CDC5L: variants seen among roughly 807,000 people sequenced by gnomAD.
CDC5L encodes the protein cell division cycle 5 like, also known as cell division cycle 5-like protein.
In CDC5L, 18 loss-of-function variants were observed where a neutral mutation model predicts 104.1. The ratio of observed to expected loss-of-function variants is 0.17; its 90% CI spans 0.12 to 0.26. The LOEUF (loss-of-function observed/expected upper bound fraction) is 0.26, where lower values mean the gene tolerates loss of function less well. Among genes scored for constraint, CDC5L ranks in the 10% least tolerant of loss-of-function variants. The pLI is 1.00. For missense variants in CDC5L, 673 were observed against 956.9 expected (o/e 0.70, Z 3.91); for synonymous variants, 331 against 322.7 (o/e 1.03, Z -0.28).
intron 14 of CDC5L, among the ~76,000 whole-genome samples, chr6:44,440,305 G>A (rs1793123508): frequency 6.7e-6 from 1 of 148,714 alleles, no homozygotes; most frequent in Admixed American, 6.8e-5. Context: ...GCAGTCGCCT[G>A]ATCTTGGCTC....
intron 8 of CDC5L, among the ~76,000 whole-genome samples, chr6:44,411,784 C>T (rs1791655051): frequency 6.6e-6 from 1 of 152,096 alleles, no homozygotes; most frequent in Admixed American, 6.5e-5. Flanking sequence ...GAGGTCTGAA[C>T]ATAGGGTTTC....
At chr6:44,396,495 C>T in intron 5 of CDC5L, 55 bp downstream of exon 5, 1 of 1,086,256 alleles carries the variant, frequency 9.2e-7, no homozygotes, top group Non-Finnish European at 1.4e-6. Context: ...TAACAATCAA[C>T]ACAGAATACT....
intron 4 of CDC5L, among the ~76,000 whole-genome samples, chr6:44,394,622 G>A (rs1435388235): frequency 6.6e-6 from 1 of 151,938 alleles, no homozygotes; most frequent in Non-Finnish European, 1.5e-5. Flanking sequence ...TTGGGAGGCT[G>A]AGGTGGGCAG....
intron 14 of CDC5L, among the ~76,000 whole-genome samples, chr6:44,442,932 C>G (rs908207456): frequency 6.6e-6 from 1 of 152,072 alleles, no homozygotes; most frequent in African/African-American, 2.4e-5. Flanking sequence ...ATAAAGTTAG[C>G]TATTGATTGA....
Position 44,393,579 on chromosome 6 carries a change from T to C in CDC5L, c.439+6T>C. ...TCCAATTGATATGGATGAGGGTAAGTGTATGCTTTGAGGAATTTATTTCTT... is the reference window on the plus strand; with the variant it reads ...TCCAATTGATATGGATGAGGGTAAGCGTATGCTTTGAGGAATTTATTTCTT... On this transcript the variant is annotated splice_donor_region_variant and intron_variant, in intron 4 of 15. Transcript: ENST00000371477. 2.5e-6 allele frequency: 4 copies of C among 1,610,216 alleles called. No homozygotes were observed. Among genetic ancestry groups the C allele is most frequent in the East Asian group, 2.2e-5 (1 of 44,730 alleles).
chr6:44,430,186 G>A (rs899556308), intron 14 of CDC5L, among the ~76,000 whole-genome samples: 22 of 151,732 alleles, frequency 1.4e-4, no homozygotes, highest in Non-Finnish European at 2.8e-4. Flanking sequence ...ACCTTTAGAT[G>A]TGGGAGCAAG....
chr6:44,429,752 C>G lies in CDC5L; in HGVS notation c.1933C>G (p.Gln645Glu). 6.2e-7 allele frequency: 1 copy of G among 1,614,008 alleles called. No individual in the cohort carries two copies. Among genetic ancestry groups the G allele is most frequent in the East Asian group, 2.2e-5 (1 of 44,872 alleles). ...GGTGCAGGAGATGGAAGTGGTTAAA[C>G]AAGGAATGAGCCATGGAGAGCTCTC... is the stretch of plus-strand genomic sequence containing the variant. ...VLVQEMEVVK[Q>E]GMSHGELSSE... is the part of the protein sequence containing the mutation. Residue 645 changes from glutamine (Q) to glutamate (E), a missense_variant, in exon 14 of 16, where the codon CAA becomes GAA. This residue lies in a region of CDC5L where 578 missense variants were observed against 737.0 expected (regional missense o/e 0.78). Coordinates refer to ENST00000371477, the MANE Select transcript of CDC5L (RefSeq NM_001253.4).
Position 44,416,502 on chromosome 6 carries a change from A to G in CDC5L, c.1093-2947A>G, listed in dbSNP as rs114507965. ...AGTCTGTCACTACCTCTGACCAATG[A>G]TGGCCTTCAGAGTGTAGTGGTTGCT... is the stretch of plus-strand genomic sequence containing the variant. On this transcript the variant is annotated intron_variant, in intron 8 of 15. Transcript: ENST00000371477. Among the ~76,000 whole-genome samples, 1,211 of 152,290 alleles carry G rather than the reference A, an allele frequency of 8.0e-3. 22 individuals carry two copies. The highest frequency in any genetic ancestry group is 0.028 in the African/African-American group (1,157 of 41,548).
In CDC5L at chr6:44,419,543, C is replaced by T; in HGVS notation, c.1187C>T (p.Thr396Ile). 6.2e-7 allele frequency: 1 copy of T among 1,613,534 alleles called. No homozygotes were observed. Among genetic ancestry groups the T allele is most frequent in the South Asian group, 1.1e-5 (1 of 91,066 alleles). ...PLHESDFSGV[T>I]PQRQVVQTPN... Reference sequence around the variant, plus strand: ...CATGAGAGTGACTTCTCAGGTGTAACTCCACAGCGACAAGTTGTACAGACT... The same window carrying T: ...CATGAGAGTGACTTCTCAGGTGTAATTCCACAGCGACAAGTTGTACAGACT... The change falls in exon 9 of 16, where the codon ACT becomes ATT. Residue 396 changes from threonine (T) to isoleucine (I), a missense_variant. Thr to Ile is a moderately conservative substitution (Grantham distance 89, BLOSUM62 -1). Transcript: ENST00000371477.
intron 14 of CDC5L, among the ~76,000 whole-genome samples, chr6:44,443,796 G>A (rs546331816): frequency 2.9e-4 from 43 of 148,220 alleles, no homozygotes; most frequent in Non-Finnish European, 5.1e-4. Context: ...TTCCTGTTGG[G>A]TAAATCATAT....
intron 14 of CDC5L, chr6:44,435,703 T>C (rs1346138038): frequency 6.6e-6 from 1 of 152,374 alleles, no homozygotes; most frequent in East Asian, 2.0e-4. Context: ...AGCCACTCAG[T>C]GATGATGCCA....
intron 14 of CDC5L, among the ~76,000 whole-genome samples, chr6:44,444,868 A>T (rs1206349021): frequency 6.6e-6 from 1 of 152,116 alleles, no homozygotes; most frequent in Non-Finnish European, 1.5e-5. Flanking sequence ...AGGAATTGGT[A>T]GGCCTAAAGT....
intron 9 of CDC5L, 116 bp from the exon 10 acceptor site, chr6:44,422,531 A>G (rs542939558): frequency 9.4e-6 from 7 of 746,904 alleles, no homozygotes; most frequent in Admixed American, 8.3e-5. Context: ...GAATTTTGAA[A>G]TCTTTATTCT....
At chr6:44,407,556 A>C (rs1333612152) in intron 7 of CDC5L, among the ~76,000 whole-genome samples, 1 of 152,080 alleles carries the variant, frequency 6.6e-6, no homozygotes, top group Admixed American at 6.5e-5. Flanking sequence ...TGATTTCTTG[A>C]CTTCGTGAGC....
At chr6:44,404,199 C>T (rs1434485376) in intron 6 of CDC5L, among the ~76,000 whole-genome samples, 172 bp downstream of exon 6, 2 of 151,898 alleles carry the variant, frequency 1.3e-5, no homozygotes, top group African/African-American at 2.4e-5. Context: ...GGCTGGAGTA[C>T]AGTGGCACAA....
intron 14 of CDC5L, among the ~76,000 whole-genome samples, chr6:44,434,127 C>G (rs1197874674): frequency 6.6e-6 from 1 of 152,154 alleles, no homozygotes; most frequent in Admixed American, 6.5e-5. Context: ...CTGGTAAGAA[C>G]TTTATGAGCT....
Position 44,392,769 on chromosome 6 carries a change from C to G in CDC5L, c.252C>G (p.Thr84=), listed in dbSNP as rs966661774. ...LAKLMPTQWR[T]IAPIIGRTAA... ...AGTTGATGCCAACTCAGTGGAGGACCATTGCTCCAATCATTGGAAGAACAG... is the reference window on the plus strand; with the variant it reads ...AGTTGATGCCAACTCAGTGGAGGACGATTGCTCCAATCATTGGAAGAACAG... The change falls in exon 3 of 16, where the codon ACC becomes ACG. Residue 84 remains threonine (T), a synonymous_variant. Coordinates refer to ENST00000371477, the MANE Select transcript of CDC5L (RefSeq NM_001253.4). The G allele has an allele frequency of 1.9e-6, 3 of 1,613,946 alleles. No homozygotes were observed. The highest frequency in any genetic ancestry group is 2.5e-6 in the Non-Finnish European group (3 of 1,179,962).
Position 44,426,517 on chromosome 6 carries a change from A to C in CDC5L, c.1686A>C (p.Glu562Asp). Residue 562 changes from glutamate to aspartate, a missense_variant, in exon 13 of 16, where the codon GAA becomes GAC. By Grantham distance (45) the Glu-to-Asp change is conservative. Transcript: ENST00000371477. ...CTATTCTAAGACCCTTAAATGTAGA[A>C]CCGCCTTTAACAGATTTACAGAAAA... The part of the protein sequence containing the change: ...NETILRPLNV[E>D]PPLTDLQKSE... 10 of 1,573,852 alleles carry C rather than the reference A, an allele frequency of 6.4e-6. No individual in the cohort carries two copies. Among genetic ancestry groups the C allele is most frequent in the Non-Finnish European group, 8.7e-6 (10 of 1,143,900 alleles).
chr6:44,449,047 A>G lies in CDC5L; in HGVS notation c.*2336A>G, dbSNP rs1793554653. On this transcript the variant is annotated 3_prime_UTR_variant, in exon 16 of 16. Transcript: ENST00000371477. ...CTGGAATCAGGTAGATTAATTTTTA[A>G]AAGAAATTTTAAAGGATTTATAGTT... 1 of 152,226 alleles carries G rather than the reference A, an allele frequency of 6.6e-6. No homozygotes were observed. The highest frequency in any genetic ancestry group is 1.5e-5 in the Non-Finnish European group (1 of 68,040). 9.4% of individuals were successfully genotyped at this position (152,226 alleles called of 1,614,324 possible). A position where few individuals can be genotyped will look rare whatever the true frequency, so the allele number is the denominator to read the frequency against.
Sources: gnomAD v4.1 joint callset for allele counts (sites outside exome capture counted in the v4.1 genomes callset) on GRCh38, gnomAD v4.1.1 for gene constraint, gnomAD v4.1.1 regional missense constraint, MANE v1.5 for transcripts, NCBI Gene and HGNC (gene_info 2026-07-23, HGNC 2026-07-21) for gene names.